The following NYAP2 variants were observed in gnomAD, a reference collection of about 807,000 sequenced individuals.
The protein encoded by NYAP2 is neuronal tyrosine-phosphorylated phosphoinositide-3-kinase adapter 2.
Under a neutral mutation model 50.4 loss-of-function variants are expected in NYAP2, and 23 were observed. That is an observed-to-expected ratio of 0.46 (90% CI 0.33 to 0.65). The LOEUF (loss-of-function observed/expected upper bound fraction) is 0.65, where lower values mean the gene tolerates loss of function less well. NYAP2 is among the 30% of genes least tolerant of loss of function. The pLI, the probability that NYAP2 is intolerant of heterozygous loss-of-function variation, is 0.02. For synonymous variants in NYAP2, 394 were observed against 365.2 expected (o/e 1.08, Z -0.90); for missense variants, 885 against 861.0 (o/e 1.03, Z -0.35).
the NYAP2 span, among the ~76,000 whole-genome samples, chr2:225,675,008 G>T: frequency 4.6e-5 from 7 of 152,042 alleles, no homozygotes; most frequent in Non-Finnish European, 7.4e-5. Flanking sequence ...ATAGTAAAGT[G>T]AGTGATTATC....
intron 5 of NYAP2, among the ~76,000 whole-genome samples, chr2:225,607,942 T>C (rs1692816548): frequency 6.6e-6 from 1 of 152,170 alleles, no homozygotes; most frequent in African/African-American, 2.4e-5. Context: ...CCATTTTTAA[T>C]ACGCAGAGAA....
At chr2:225,633,764 C>T (rs1410915910) in intron 6 of NYAP2, among the ~76,000 whole-genome samples, 3 of 152,184 alleles carry the variant, frequency 2.0e-5, no homozygotes, top group African/African-American at 4.8e-5. Context: ...AAATGCTCAC[C>T]CAGGGTTCCC....
chr2:225,425,687 T>C (rs1160612236), intron 3 of NYAP2, among the ~76,000 whole-genome samples: 1 of 152,224 alleles, frequency 6.6e-6, no homozygotes, highest in African/African-American at 2.4e-5. Flanking sequence ...TGGAAACGAC[T>C]GTTGTGCAGA....
chr2:225,468,977 A>T (rs568398821), intron 3 of NYAP2, among the ~76,000 whole-genome samples: 1 of 152,266 alleles, frequency 6.6e-6, no homozygotes, highest in African/African-American at 2.4e-5. Flanking sequence ...GGAAAAAAAC[A>T]CTACCTAATA....
At chr2:225,400,426 A>C (rs1298345333) in intron 1 of NYAP2, 135 bp from the exon 2 acceptor site, 1 of 151,914 alleles carries the variant, frequency 6.6e-6, no homozygotes, top group Non-Finnish European at 1.5e-5. Flanking sequence ...CGGGGGAGGG[A>C]CTATGCCACA....
intron 4 of NYAP2, among the ~76,000 whole-genome samples, chr2:225,578,315 C>T (rs2106226663): frequency 6.6e-6 from 1 of 152,092 alleles, no homozygotes; most frequent in East Asian, 1.9e-4. Flanking sequence ...AATCTGCCTG[C>T]ATTAGGCTCT....
chr2:225,398,459 C>T (rs930996619), upstream of NYAP2, among the ~76,000 whole-genome samples: 3 of 151,876 alleles, frequency 2.0e-5, no homozygotes, highest in East Asian at 1.9e-4. Context: ...ACTTTTTCCA[C>T]CTTTGGTCAT....
intron 4 of NYAP2, among the ~76,000 whole-genome samples, chr2:225,531,312 T>A (rs1229794117): frequency 1.3e-5 from 2 of 152,214 alleles, no homozygotes; most frequent in Admixed American, 6.5e-5. Flanking sequence ...CTTTTCCAAG[T>A]TATTCTCTGC....
At chr2:225,692,890 C>T in the NYAP2 span, among the ~76,000 whole-genome samples, 7 of 151,978 alleles carry the variant, frequency 4.6e-5, no homozygotes, top group Non-Finnish European at 1.5e-5. Flanking sequence ...CACACACACA[C>T]ACATATATTT....
intron 3 of NYAP2, among the ~76,000 whole-genome samples, chr2:225,427,445 A>T (rs1695303974): frequency 6.6e-6 from 1 of 152,170 alleles, no homozygotes; most frequent in African/African-American, 2.4e-5. Flanking sequence ...GACTAAATAG[A>T]TCATCAGTAT....
chr2:225,502,213 A>G (rs1417724266), intron 3 of NYAP2, among the ~76,000 whole-genome samples: 1 of 152,236 alleles, frequency 6.6e-6, no homozygotes, highest in Non-Finnish European at 1.5e-5. Flanking sequence ...TAATTTAGCC[A>G]AGAAGTGATG....
At chr2:225,524,340 C>G (rs1559204447) in intron 4 of NYAP2, among the ~76,000 whole-genome samples, 1 of 152,166 alleles carries the variant, frequency 6.6e-6, no homozygotes, top group Non-Finnish European at 1.5e-5. Flanking sequence ...TTGGAAGACT[C>G]AGCAAGTCAA....
intron 4 of NYAP2, among the ~76,000 whole-genome samples, chr2:225,552,326 TA>T (rs1211226155): frequency 6.6e-6 from 1 of 151,980 alleles, no homozygotes; most frequent in African/African-American, 2.4e-5. Flanking sequence ...ATAGAAGGAC[TA>T]AAAAAGCAAA....
intron 5 of NYAP2, among the ~76,000 whole-genome samples, chr2:225,593,076 A>G (rs1360549445): frequency 1.3e-5 from 2 of 152,146 alleles, no homozygotes; most frequent in Non-Finnish European, 2.9e-5. Flanking sequence ...TTTAGAGACT[A>G]TCATGTACTC....
chr2:225,651,245 G>T (rs943243596), intron 6 of NYAP2, among the ~76,000 whole-genome samples, 187 bp from the exon 7 acceptor site: 4 of 152,134 alleles, frequency 2.6e-5, no homozygotes, highest in Admixed American at 1.3e-4. Context: ...AGCCAATCTG[G>T]GTATAAAGCT....
intron 5 of NYAP2, among the ~76,000 whole-genome samples, chr2:225,595,711 G>C (rs1437405061): frequency 6.6e-6 from 1 of 152,128 alleles, no homozygotes; most frequent in African/African-American, 2.4e-5. Context: ...TGTGTGTATG[G>C]CTCTTTAATA....
rs71410364 is a variant in NYAP2 at position 225,601,123 on chromosome 2, G to GT, written c.1618+18106dup. The stretch of plus-strand genomic sequence containing the variant: ...ATGTGGGTAGTAATTCTGTGTTTAA[G>GT]TTTTTTTTTTTTTTTTTTGAGATGG... On this transcript the variant is annotated intron_variant, in intron 5 of 6. Transcript: ENST00000636099. Among the ~76,000 whole-genome samples, 545 of 136,886 alleles carry GT rather than the reference G, an allele frequency of 4.0e-3. 3 individuals are homozygous for GT. Among genetic ancestry groups the GT allele is most frequent in the Non-Finnish European group, 4.1e-3 (264 of 63,800 alleles). 89.8% of individuals were successfully genotyped at this position (136,886 alleles called of 152,430 possible).
intron 5 of NYAP2, among the ~76,000 whole-genome samples, chr2:225,617,628 A>G (rs112938894): frequency 1.4e-3 from 207 of 152,312 alleles, no homozygotes; most frequent in African/African-American, 4.7e-3. Flanking sequence ...ATATTTCCAA[A>G]TAAAACTCAT....
intron 3 of NYAP2, among the ~76,000 whole-genome samples, chr2:225,495,211 A>T (rs1690482086): frequency 6.6e-6 from 1 of 152,182 alleles, no homozygotes. Context: ...TTTCTACCCC[A>T]AGACTTTTAC....
Sources: gnomAD v4.1 joint callset for allele counts (sites outside exome capture counted in the v4.1 genomes callset) on GRCh38, gnomAD v4.1.1 for gene constraint, MANE v1.5 for transcripts, NCBI Gene and HGNC (gene_info 2026-07-23, HGNC 2026-07-21) for gene names.